ATP10B: variants seen among roughly 807,000 people sequenced by gnomAD.
ATP10B encodes phospholipid-transporting ATPase VB.
Under a neutral mutation model 141.2 loss-of-function variants are expected in ATP10B, and 122 were observed. That is an observed-to-expected ratio of 0.86 (90% CI 0.75 to 1.00). The LOEUF (loss-of-function observed/expected upper bound fraction) is 1.00. ATP10B is among the 50% of genes least tolerant of loss of function. The probability of loss-of-function intolerance (pLI) is 0.00; values close to 1 mark genes in which losing one functional copy is unlikely to be tolerated. For synonymous variants in ATP10B, 685 were observed against 692.0 expected, an observed-to-expected ratio of 0.99 and a Z score of 0.16; for missense variants, 1,876 against 1,825.3, an observed-to-expected ratio of 1.03 and a Z score of -0.51.
In ATP10B at chr5:160,688,053, A is replaced by G. The variant is rs1763873933; in HGVS notation, c.22T>C (p.Ser8Pro). The G allele has an allele frequency of 6.2e-7, 1 of 1,613,354 alleles. No homozygotes were observed. Among genetic ancestry groups the G allele is most frequent in the South Asian group, 1.1e-5 (1 of 91,010 alleles). ...ACTCTCCACTGCCACCGATGCCACGATGAGTCCACTGAGAGGGCCATTTCC... is the reference window on the plus strand; with the variant it reads ...ACTCTCCACTGCCACCGATGCCACGGTGAGTCCACTGAGAGGGCCATTTCC... Reference protein sequence around the residue: MALSVDSSWHRWQWRVRD... With the variant: MALSVDSPWHRWQWRVRD... Residue 8 changes from serine to proline, a missense_variant, in exon 5 of 26, where the codon TCG (serine) becomes CCG (proline). Physicochemically the swap from Ser to Pro is moderately conservative, Grantham distance 74. Transcript: ENST00000327245.
intron 7 of ATP10B, among the ~76,000 whole-genome samples, chr5:160,653,267 G>A (rs1213402998): frequency 4.7e-5 from 6 of 126,962 alleles, no homozygotes; most frequent in Non-Finnish European, 7.9e-5. Context: ...ATATACATAC[G>A]TACATACATA....
the ATP10B span, among the ~76,000 whole-genome samples, chr5:160,877,991 C>T: frequency 2.0e-5 from 3 of 152,120 alleles, no homozygotes; most frequent in Admixed American, 2.0e-4. Context: ...CCATCCCCAT[C>T]AAGCTACCAA....
chr5:160,907,500 C>T, the ATP10B span, among the ~76,000 whole-genome samples: 1 of 151,982 alleles, frequency 6.6e-6, no homozygotes, highest in Non-Finnish European at 1.5e-5. Context: ...AGTGGGACTA[C>T]AGGTGTGTGT....
chr5:160,704,991 T>TGAAAATC (rs1764915018), intron 3 of ATP10B, among the ~76,000 whole-genome samples: 2 of 141,580 alleles, frequency 1.4e-5, no homozygotes, highest in Non-Finnish European at 3.0e-5. Context: ...TGATCTCAGC[T>TGAAAATC]CACTGAAAAT....
chr5:160,596,948 T>C (rs374223457), intron 22 of ATP10B, among the ~76,000 whole-genome samples: 2,369 of 152,200 alleles, frequency 0.016, 28 homozygotes, highest in Middle Eastern at 0.072. Context: ...GAATCAATAT[T>C]GTGAAAATGG....
At chr5:160,721,729 T>G (rs1213293370) in intron 2 of ATP10B, among the ~76,000 whole-genome samples, 1 of 152,202 alleles carries the variant, frequency 6.6e-6, no homozygotes, top group Non-Finnish European at 1.5e-5. Flanking sequence ...CTAAAAAGAC[T>G]TCTTTTGACT....
At chr5:160,616,750 G>T (rs1274405141) in intron 16 of ATP10B, among the ~76,000 whole-genome samples, 1 of 152,198 alleles carries the variant, frequency 6.6e-6, no homozygotes, top group African/African-American at 2.4e-5. Context: ...TAGAGAAAAC[G>T]AAAGGGAACA....
the ATP10B span, among the ~76,000 whole-genome samples, chr5:160,901,097 C>T: frequency 4.1e-4 from 63 of 152,028 alleles, no homozygotes; most frequent in African/African-American, 1.2e-3. Context: ...GGGATTTCTT[C>T]CCTAAGAGTC....
intron 13 of ATP10B, among the ~76,000 whole-genome samples, chr5:160,624,595 A>G (rs1758517207): frequency 6.6e-6 from 1 of 152,230 alleles, no homozygotes; most frequent in South Asian, 2.1e-4. Context: ...AGAAGGGCAC[A>G]CACATATTAT....
intron 1 of ATP10B, among the ~76,000 whole-genome samples, chr5:160,796,411 A>G (rs1369729221): frequency 6.6e-6 from 1 of 152,252 alleles, no homozygotes; most frequent in African/African-American, 2.4e-5. Context: ...GGGTAACAGT[A>G]GCTGACAGTA....
At chr5:160,874,270 G>A in the ATP10B span, among the ~76,000 whole-genome samples, 9 of 151,286 alleles carry the variant, frequency 5.9e-5, no homozygotes, top group African/African-American at 2.2e-4. Context: ...CCCCAGGAGG[G>A]TACACTGACA....
chr5:160,612,826 T>G lies in ATP10B; in HGVS notation c.2753A>C (p.Lys918Thr). 1 of 1,614,132 alleles carries G rather than the reference T, an allele frequency of 6.2e-7. No individual in the cohort carries two copies. Among genetic ancestry groups the G allele is most frequent in the Non-Finnish European group, 8.5e-7 (1 of 1,179,990 alleles). The change falls in exon 18 of 26, where the codon AAG becomes ACG. Residue 918 changes from lysine to threonine, a missense_variant. By Grantham distance (78) the Lys-to-Thr change is moderately conservative. Transcript: ENST00000327245. Reference protein sequence around the residue: ...GIQLWVLTGDKQETAVNIAHS... With the variant: ...GIQLWVLTGDTQETAVNIAHS... ...GGCAATGTTGACCGCTGTCTCCTGC[T>G]TATCTCCAGTCAGGACCCAGAGCTG... is the stretch of plus-strand genomic sequence containing the variant.
chr5:160,923,732 G>C, the ATP10B span, among the ~76,000 whole-genome samples: 1 of 152,164 alleles, frequency 6.6e-6, no homozygotes, highest in Non-Finnish European at 1.5e-5. Flanking sequence ...CCACTGTTTT[G>C]TCTGTGTTTG....
intron 3 of ATP10B, among the ~76,000 whole-genome samples, chr5:160,707,663 G>C (rs1216978568): frequency 6.6e-6 from 1 of 152,140 alleles, no homozygotes; most frequent in Non-Finnish European, 1.5e-5. Flanking sequence ...TTAAAGAAAA[G>C]CCTATTAATA....
intron 1 of ATP10B, among the ~76,000 whole-genome samples, chr5:160,841,016 T>C (rs939748048): frequency 1.3e-5 from 2 of 152,154 alleles, no homozygotes; most frequent in African/African-American, 4.8e-5. Context: ...TGCAAAATCC[T>C]TACTGAGGGA....
At chr5:160,916,530 G>A in the ATP10B span, among the ~76,000 whole-genome samples, 18 of 152,174 alleles carry the variant, frequency 1.2e-4, no homozygotes, top group African/African-American at 4.1e-4. Flanking sequence ...CAATACTTGT[G>A]AGTACTGATG....
At chr5:160,901,717 A>G in the ATP10B span, among the ~76,000 whole-genome samples, 1 of 152,206 alleles carries the variant, frequency 6.6e-6, no homozygotes, top group African/African-American at 2.4e-5. Context: ...TAGGGAGTAC[A>G]TGGTAGGTAT....
At chr5:160,894,635 A>G in the ATP10B span, among the ~76,000 whole-genome samples, 7 of 152,216 alleles carry the variant, frequency 4.6e-5, no homozygotes, top group African/African-American at 1.4e-4. Flanking sequence ...ACTCTTCAGG[A>G]TATTACCAGA....
rs1305403368 is a variant in ATP10B, at chr5:160,634,466, G to A, written c.1269C>T (p.Asp423=). 6.2e-7 allele frequency: 1 copy of A among 1,614,174 alleles called. No individual in the cohort carries two copies. The highest frequency in any genetic ancestry group is 1.7e-5 in the Admixed American group (1 of 60,026). ...IQCRALNIAE[D]LGQIQYIFSD... is the part of the protein sequence containing the mutation. ...AGAAGATGTACTGGATCTGGCCCAAGTCCTCTGCGATGTTGAGGGCTCGAC... is the reference window on the plus strand; with the variant it reads ...AGAAGATGTACTGGATCTGGCCCAAATCCTCTGCGATGTTGAGGGCTCGAC... The change falls in exon 12 of 26, where the codon GAC becomes GAT. Residue 423 remains aspartate (D), a synonymous_variant. Coordinates refer to ENST00000327245, the MANE Select transcript of ATP10B (RefSeq NM_025153.3).
Sources: allele counts gnomAD v4.1 joint callset (sites outside exome capture counted in the v4.1 genomes callset), GRCh38; gene constraint gnomAD v4.1.1; transcripts MANE v1.5; gene names NCBI Gene and HGNC (gene_info 2026-07-23, HGNC 2026-07-21).